The following APBA2 variants were observed in gnomAD, a reference collection of about 807,000 sequenced individuals.
APBA2 encodes the protein amyloid beta precursor protein binding family A member 2.
APBA2 carries 30 observed loss-of-function variants against 75.0 expected under a neutral mutation model. The ratio of observed to expected loss-of-function variants is 0.40; its 90% CI spans 0.30 to 0.54. APBA2 has a LOEUF of 0.54. Ranked by LOEUF, APBA2 falls within the 20% of genes least tolerant of loss-of-function variation. APBA2 has a pLI of 0.49. For synonymous variants in APBA2, 444 were observed against 409.6 expected (o/e 1.08, Z -1.01); for missense variants, 801 against 1,016.1 (o/e 0.79, Z 2.88).
chr15:28,891,791 G>A (rs1446819626), intron 1 of APBA2, among the ~76,000 whole-genome samples: 1 of 152,156 alleles, frequency 6.6e-6, no homozygotes, highest in Admixed American at 6.5e-5. Context: ...TGAGATATAT[G>A]TGTACAGTCA....
chr15:29,001,212 T>C (rs542579120), intron 3 of APBA2, among the ~76,000 whole-genome samples: 1 of 151,992 alleles, frequency 6.6e-6, no homozygotes, highest in East Asian at 1.9e-4. Flanking sequence ...TATTTTTATT[T>C]TTATTTATTT....
intron 2 of APBA2, among the ~76,000 whole-genome samples, chr15:28,948,801 GT>G (rs938764781): frequency 3.3e-5 from 5 of 152,132 alleles, no homozygotes; most frequent in Non-Finnish European, 7.4e-5. Context: ...GGAAGCAGTT[GT>G]TTGGGAATGA....
intron 2 of APBA2, among the ~76,000 whole-genome samples, chr15:28,934,043 T>G (rs182786499): frequency 2.8e-5 from 4 of 145,030 alleles, no homozygotes; most frequent in East Asian, 2.0e-4. Flanking sequence ...AGGCATGGAG[T>G]GGGCAGCTCC....
At chr15:28,993,837 C>T (rs960057539) in intron 2 of APBA2, among the ~76,000 whole-genome samples, 11 of 152,028 alleles carry the variant, frequency 7.2e-5, no homozygotes, top group African/African-American at 1.7e-4. Context: ...TTTCCTGAGG[C>T]GCTTCTGGGC....
rs761106982 is a variant in APBA2 at position 29,106,722 on chromosome 15, C to T, written c.1820C>T (p.Ala607Val). The T allele has an allele frequency of 8.7e-6, 14 of 1,612,880 alleles. No homozygotes were observed. The highest frequency in any genetic ancestry group is 6.7e-5 in the Admixed American group (4 of 60,008). The part of the protein sequence containing the change: ...LANMMNGGPA[A>V]RSGKLSIGDQ... Reference sequence around the variant, plus strand: ...AACATGATGAATGGCGGCCCGGCTGCCCGCTCGGGGAAGCTGAGCATCGGG... The same window carrying T: ...AACATGATGAATGGCGGCCCGGCTGTCCGCTCGGGGAAGCTGAGCATCGGG... The change falls in exon 12 of 15, where the codon GCC becomes GTC. Residue 607 changes from alanine (A) to valine (V), a missense_variant. Physicochemically the swap from Ala to Val is moderately conservative, Grantham distance 64 (BLOSUM62 0). Around this residue, in one of 2 missense-constraint regions of APBA2, gnomAD observed 367 missense variants for 544.5 expected, o/e 0.67. Transcript: ENST00000683413.
chr15:29,066,041 G>T (rs2042366994), intron 4 of APBA2, among the ~76,000 whole-genome samples: 1 of 152,194 alleles, frequency 6.6e-6, no homozygotes, highest in African/African-American at 2.4e-5. Flanking sequence ...TTTCTCATTA[G>T]CCCCTGTCCT....
chr15:29,021,055 G>A (rs1233917975), intron 3 of APBA2, among the ~76,000 whole-genome samples: 1 of 152,132 alleles, frequency 6.6e-6, no homozygotes, highest in East Asian at 1.9e-4. Context: ...GGGGAAATCC[G>A]TTTTGTTTAT....
chr15:29,087,668 G>C (rs538136207), intron 6 of APBA2, among the ~76,000 whole-genome samples: 98 of 152,326 alleles, frequency 6.4e-4, no homozygotes, highest in Middle Eastern at 3.4e-3. Flanking sequence ...CCACGCCTTA[G>C]CTCTGCAGCA....
At chr15:28,888,580 C>T (rs1046410390) in intron 1 of APBA2, among the ~76,000 whole-genome samples, 4 of 152,182 alleles carry the variant, frequency 2.6e-5, no homozygotes, top group Non-Finnish European at 4.4e-5. Context: ...GGTCCGAAGT[C>T]GTGGAGAAAC....
chr15:28,939,879 ACTGGGGGGAACGTCCAGTCCATAGTT>A (rs2035091895), intron 2 of APBA2, among the ~76,000 whole-genome samples: 1 of 152,162 alleles, frequency 6.6e-6, no homozygotes, highest in South Asian at 2.1e-4. Context: ...AGCCGTAAGG[ACTGGGGGGAACGTCCAGTCCATAGTT>A]CTGTGTGGAA....
At chr15:28,997,990 T>C (rs1408773969) in intron 3 of APBA2, among the ~76,000 whole-genome samples, 1 of 152,166 alleles carries the variant, frequency 6.6e-6, no homozygotes, top group African/African-American at 2.4e-5. Context: ...TATTTTTAAA[T>C]GCCAATTATG....
At chr15:29,038,755 C>A (rs1449251306) in intron 3 of APBA2, among the ~76,000 whole-genome samples, 1 of 148,556 alleles carries the variant, frequency 6.7e-6, no homozygotes, top group Admixed American at 6.8e-5. Context: ...CTCGCTGCAA[C>A]CTCCACCTCC....
chr15:29,087,269 A>ATTT (rs1555409488), intron 6 of APBA2, among the ~76,000 whole-genome samples: 2,537 of 152,194 alleles, frequency 0.017, 72 homozygotes, highest in African/African-American at 0.058. Context: ...TTTTTTAAAA[A>ATTT]AAATTATTTA....
intron 3 of APBA2, 144 bp from the exon 4 acceptor site, chr15:29,053,701 G>C: frequency 1.6e-6 from 1 of 609,050 alleles, no homozygotes; most frequent in Non-Finnish European, 2.9e-6. Context: ...GTTAGCGGGG[G>C]TGGGGATGGC....
chr15:28,909,914 C>T (rs941511507), intron 1 of APBA2, among the ~76,000 whole-genome samples: 6 of 152,174 alleles, frequency 3.9e-5, no homozygotes, highest in Non-Finnish European at 7.4e-5. Context: ...AGCCCCTCTG[C>T]GTGACTGCAG....
chr15:29,017,911 A>G (rs898067481), intron 3 of APBA2, among the ~76,000 whole-genome samples: 4 of 151,956 alleles, frequency 2.6e-5, no homozygotes, highest in African/African-American at 7.2e-5. Flanking sequence ...TTCCTTCACT[A>G]TCTTTTTTCC....
At chr15:28,984,758 C>G (rs1030663187) in intron 2 of APBA2, among the ~76,000 whole-genome samples, 1 of 151,234 alleles carries the variant, frequency 6.6e-6, no homozygotes, top group African/African-American at 2.4e-5. Context: ...ATCTCTCTCC[C>G]CCCCCACCCC....
At chr15:29,115,994 GCA>G in intron 14 of APBA2, among the ~76,000 whole-genome samples, 1 of 152,236 alleles carries the variant, frequency 6.6e-6, no homozygotes, top group Admixed American at 6.5e-5. Flanking sequence ...CCGCAGCCTA[GCA>G]CAGTCCCGGG....
chr15:28,899,127 A>G (rs985499881), intron 1 of APBA2, among the ~76,000 whole-genome samples: 7 of 152,206 alleles, frequency 4.6e-5, no homozygotes, highest in African/African-American at 1.7e-4. Context: ...GCGCATGGAG[A>G]ACTCATCGGG....
Sources: gnomAD v4.1 joint callset for allele counts (sites outside exome capture counted in the v4.1 genomes callset) on GRCh38, gnomAD v4.1.1 for gene constraint, gnomAD v4.1.1 regional missense constraint, MANE v1.5 for transcripts, NCBI Gene and HGNC (gene_info 2026-07-23, HGNC 2026-07-21) for gene names.